TMEM87A: variants seen among roughly 807,000 people sequenced by gnomAD.
TMEM87A encodes the protein transmembrane protein 87A, also known as Golgi-pH regulating cation channel.
Under a neutral mutation model 90.0 loss-of-function variants are expected in TMEM87A, and 50 were observed. The ratio of observed to expected loss-of-function variants is 0.56; its 90% CI spans 0.44 to 0.70. TMEM87A has a LOEUF of 0.70. Among genes scored for constraint, TMEM87A ranks in the 30% least tolerant of loss-of-function variants. The pLI is 0.00. For missense variants in TMEM87A, 577 were observed against 660.5 expected (o/e 0.87, Z 1.39); for synonymous variants, 226 against 226.7 (o/e 1.00, Z 0.03).
intron 15 of TMEM87A, among the ~76,000 whole-genome samples, chr15:42,220,894 C>T (rs1189212264): frequency 6.6e-6 from 1 of 152,188 alleles, no homozygotes; most frequent in Non-Finnish European, 1.5e-5. Context: ...CGGGTTCACA[C>T]CATTCTCCTG....
chr15:42,273,211 C>T (rs777493651), intron 1 of TMEM87A, 44 bp downstream of exon 1: 4 of 1,609,840 alleles, frequency 2.5e-6, no homozygotes, highest in Non-Finnish European at 2.5e-6. Flanking sequence ...GTAGCCCCAC[C>T]CCTTGCTCCT....
At chr15:42,215,088 T>C (rs1334538106) in intron 19 of TMEM87A, among the ~76,000 whole-genome samples, 10 of 152,216 alleles carry the variant, frequency 6.6e-5, no homozygotes, top group Non-Finnish European at 1.5e-4. Context: ...TATAAGCCTA[T>C]TGCTCTAGGC....
chr15:42,223,622 T>C (rs772876953), intron 15 of TMEM87A, among the ~76,000 whole-genome samples: 1 of 152,214 alleles, frequency 6.6e-6, no homozygotes, highest in Non-Finnish European at 1.5e-5. Context: ...CCTTCTGTCA[T>C]GTGACGACCC....
intron 5 of TMEM87A, 45 bp downstream of exon 5, chr15:42,261,151 A>G (rs149576214): frequency 1.1e-5 from 18 of 1,600,662 alleles, no homozygotes; most frequent in Admixed American, 6.8e-5. Flanking sequence ...CTGCACCACC[A>G]AAGTTTTTAC....
intron 19 of TMEM87A, among the ~76,000 whole-genome samples, chr15:42,215,003 A>C (rs2050356766): frequency 6.6e-6 from 1 of 152,234 alleles, no homozygotes; most frequent in Non-Finnish European, 1.5e-5. Context: ...GCAATTTCAT[A>C]GCTGTGTGAA....
upstream of TMEM87A, chr15:42,273,561 G>T (rs1021346894): frequency 1.6e-6 from 2 of 1,285,730 alleles, no homozygotes; most frequent in Non-Finnish European, 1.0e-6. Context: ...AGTCGTCTGT[G>T]CGCCGTGAGA....
intron 18 of TMEM87A, among the ~76,000 whole-genome samples, 155 bp downstream of exon 18, chr15:42,218,168 T>C (rs1347367983): frequency 6.6e-6 from 1 of 152,250 alleles, no homozygotes; most frequent in Non-Finnish European, 1.5e-5. Flanking sequence ...TCTGAATGAA[T>C]AAACCCAATT....
At chr15:42,262,979 A>ATTAT (rs2051326085) in intron 4 of TMEM87A, among the ~76,000 whole-genome samples, 1 of 152,206 alleles carries the variant, frequency 6.6e-6, no homozygotes, top group Non-Finnish European at 1.5e-5. Flanking sequence ...AAAATGTATG[A>ATTAT]TTATTCACAT....
intron 3 of TMEM87A, among the ~76,000 whole-genome samples, chr15:42,265,991 T>C (rs896922338): frequency 6.6e-6 from 1 of 152,202 alleles, no homozygotes; most frequent in South Asian, 2.1e-4. Flanking sequence ...TGCTTGTTTT[T>C]TGTCAGCTTT....
intron 15 of TMEM87A, among the ~76,000 whole-genome samples, chr15:42,222,617 G>A (rs1037395418): frequency 5.3e-5 from 8 of 151,728 alleles, no homozygotes; most frequent in African/African-American, 1.7e-4. Context: ...GGAGTGCAAC[G>A]GCATGATCTC....
At chr15:42,260,249 C>A (rs2140977679) in intron 6 of TMEM87A, among the ~76,000 whole-genome samples, 1 of 152,234 alleles carries the variant, frequency 6.6e-6, no homozygotes, top group Middle Eastern at 3.4e-3. Context: ...GTGGTATGTG[C>A]CTGTGGCCCC....
intron 8 of TMEM87A, 79 bp from the exon 9 acceptor site, chr15:42,237,694 C>CTT (rs66512609): frequency 0.072 from 56,058 of 782,890 alleles, no homozygotes; most frequent in Non-Finnish European, 0.081. Context: ...TCAATATATA[C>CTT]TTTTTTTTTT....
At chr15:42,264,063 T>A in intron 4 of TMEM87A, 27 bp downstream of exon 4, 1 of 1,575,222 alleles carries the variant, frequency 6.3e-7, no homozygotes, top group East Asian at 2.2e-5. Context: ...CCTATTCTAT[T>A]TATCTCCAAT....
intron 18 of TMEM87A, chr15:42,218,111 A>G (rs1271642674): frequency 1.6e-6 from 1 of 636,316 alleles, no homozygotes; most frequent in Non-Finnish European, 2.7e-6. Flanking sequence ...TATCCCATTC[A>G]TTTTAAGATA....
chr15:42,228,842 C>A (rs1255479143), intron 12 of TMEM87A, 22 bp from the exon 13 acceptor site: 1 of 1,522,382 alleles, frequency 6.6e-7, no homozygotes, highest in Admixed American at 2.1e-5. Context: ...TCAAGGAATT[C>A]AACATTCAGG....
At chr15:42,216,797 A>G (rs2050390382) in intron 19 of TMEM87A, among the ~76,000 whole-genome samples, 1 of 152,192 alleles carries the variant, frequency 6.6e-6, no homozygotes, top group African/African-American at 2.4e-5. Context: ...CATTTTTAGC[A>G]GCCAATTCAA....
intron 10 of TMEM87A, among the ~76,000 whole-genome samples, chr15:42,235,187 T>C (rs1006930732): frequency 6.6e-6 from 1 of 152,126 alleles, no homozygotes; most frequent in East Asian, 1.9e-4. Flanking sequence ...TACAGGTGCA[T>C]GCCACCACAG....
chr15:42,264,425 A>T (rs2051357704), intron 3 of TMEM87A, among the ~76,000 whole-genome samples: 1 of 152,206 alleles, frequency 6.6e-6, no homozygotes, highest in South Asian at 2.1e-4. Flanking sequence ...CACAAGGCAT[A>T]GTTCTACTAA....
chr15:42,231,336 G>GTAAATGCAGAAT, intron 11 of TMEM87A, 76 bp from the exon 12 acceptor site: 2 of 1,223,376 alleles, frequency 1.6e-6, no homozygotes, highest in Non-Finnish European at 2.2e-6. Flanking sequence ...ACATGATTCT[G>GTAAATGCAGAAT]CATTTACATA....
Sources: allele counts gnomAD v4.1 joint callset (sites outside exome capture counted in the v4.1 genomes callset), GRCh38; gene constraint gnomAD v4.1.1; transcripts MANE v1.5; gene names NCBI Gene and HGNC (gene_info 2026-07-23, HGNC 2026-07-21).